The following GGA1 variants were observed in gnomAD, a reference collection of about 807,000 sequenced individuals.
GGA1 encodes ADP-ribosylation factor-binding protein GGA1.
In GGA1, 18 loss-of-function variants were observed where a neutral mutation model predicts 76.9. That is an observed-to-expected ratio of 0.23 (90% CI 0.16 to 0.35). The LOEUF (loss-of-function observed/expected upper bound fraction) is 0.35. Ranked by LOEUF, GGA1 falls within the 10% of genes least tolerant of loss-of-function variation. The pLI is 1.00. For missense variants in GGA1, 755 were observed against 859.0 expected (o/e 0.88, Z 1.51); for synonymous variants, 342 against 354.7 (o/e 0.96, Z 0.40).
In GGA1 at chr22:37,625,955, G is replaced by T; in HGVS notation, c.1093+6G>T. 1.3e-6 allele frequency: 2 copies of T among 1,586,436 alleles called. No individual in the cohort carries two copies. The highest frequency in any genetic ancestry group is 1.7e-6 in the Non-Finnish European group (2 of 1,167,458). ...CGACGAGCTCATGTCTCTGGGTGAG[G>T]AAGGGGCCAGGCCTGGAGGAGGGCG... On this transcript the variant is annotated splice_donor_region_variant and intron_variant, in intron 11 of 16. Transcript: ENST00000343632. The surrounding 1 kb of genome is among the most constrained non-coding windows in gnomAD (Gnocchi z 4.1).
At position 37,632,121 on chromosome 22, in the gene GGA1, C is replaced by T; in HGVS notation, c.1654C>T (p.Pro552Ser). ...VVVVSMLSTA[P>S]QPIRNIVFQS... ...GGTGGTTTCCATGCTGAGCACCGCCCCCCAGCCCATCCGCAACATCGTGTT... is the reference window on the plus strand; with the variant it reads ...GGTGGTTTCCATGCTGAGCACCGCCTCCCAGCCCATCCGCAACATCGTGTT... The change falls in exon 15 of 17, where the codon CCC becomes TCC. Residue 552 changes from proline (P) to serine (S), a missense_variant. Transcript: ENST00000343632. This position sits in a 1 kb window ranked among gnomAD's most constrained non-coding sequence, Gnocchi z 5.1. 1 of 1,613,750 alleles carries T rather than the reference C, an allele frequency of 6.2e-7. No individual in the cohort carries two copies. Among genetic ancestry groups the T allele is most frequent in the Non-Finnish European group, 8.5e-7 (1 of 1,179,896 alleles).
At position 37,632,678 on chromosome 22, in the gene GGA1, G is replaced by C. The variant is rs920248151; in HGVS notation, c.1887G>C (p.Gln629His). Residue 629 changes from glutamine (Q) to histidine (H), a missense_variant, in exon 17 of 17, where the codon CAG (glutamine) becomes CAC (histidine). Physicochemically the swap from Gln to His is conservative, Grantham distance 24. Transcript: ENST00000343632. The surrounding 1 kb of genome is among the most constrained non-coding windows in gnomAD (Gnocchi z 5.1). Reference sequence around the variant, plus strand: ...ACAACGAGATGGGGGATGTGGACCAGTTCCCCCCACCTGAAACCTGGGGTA... The same window carrying C: ...ACAACGAGATGGGGGATGTGGACCACTTCCCCCCACCTGAAACCTGGGGTA... ...QTYNEMGDVD[Q>H]FPPPETWGSL is the part of the protein sequence containing the mutation. The C allele has an allele frequency of 2.4e-5, 39 of 1,610,408 alleles. No homozygotes were observed. Among genetic ancestry groups the C allele is most frequent in the Non-Finnish European group, 2.7e-5 (32 of 1,177,244 alleles).
chr22:37,632,741 G>C lies in GGA1; in HGVS notation c.*30G>C. ...GAGGGGCTGGGGAGAGGAAGGGGCAGAGGGACCGGTCACTGTCCAGCCTGG... is the reference window on the plus strand; with the variant it reads ...GAGGGGCTGGGGAGAGGAAGGGGCACAGGGACCGGTCACTGTCCAGCCTGG... On this transcript the variant is annotated 3_prime_UTR_variant, in exon 17 of 17. Coordinates refer to ENST00000343632, the MANE Select transcript of GGA1 (RefSeq NM_013365.5). The surrounding 1 kb of genome is among the most constrained non-coding windows in gnomAD (Gnocchi z 5.1). The C allele has an allele frequency of 7.6e-7, 1 of 1,311,050 alleles. No individual in the cohort carries two copies. Among genetic ancestry groups the C allele is most frequent in the Non-Finnish European group, 1.1e-6 (1 of 921,644 alleles). The allele number at this position is 1,311,050 out of a possible 1,614,324, so 81.2% of individuals were successfully genotyped here.
chr22:37,619,668 C>G (rs1929517527), intron 4 of GGA1: 2 of 619,538 alleles, frequency 3.2e-6, no homozygotes, highest in East Asian at 5.7e-5. Flanking sequence ...GAGCCATGGC[C>G]TCCGGCCTAC....
intron 3 of GGA1, chr22:37,618,209 A>T (rs1170077741): frequency 8.4e-6 from 4 of 477,534 alleles, no homozygotes; most frequent in Non-Finnish European, 7.6e-6. Flanking sequence ...ATGGGACTAG[A>T]GCATTGCTAC....
chr22:37,616,017 A>G (rs1928725848), intron 2 of GGA1, among the ~76,000 whole-genome samples: 1 of 151,342 alleles, frequency 6.6e-6, no homozygotes. Flanking sequence ...ATTTTTTTGT[A>G]TTTTTTAGTA....
chr22:37,628,144 T>C (rs1241021478), intron 11 of GGA1, among the ~76,000 whole-genome samples: 1 of 152,150 alleles, frequency 6.6e-6, no homozygotes, highest in Non-Finnish European at 1.5e-5. Context: ...GGTTTTGAGA[T>C]GGGGGTCTCA....
intron 4 of GGA1, 162 bp from the exon 5 acceptor site, chr22:37,620,076 G>A (rs1454075447): frequency 3.9e-5 from 28 of 720,252 alleles, no homozygotes; most frequent in Non-Finnish European, 2.9e-5. Flanking sequence ...GGTAGTAGGT[G>A]AACTCAGTCT....
intron 11 of GGA1, among the ~76,000 whole-genome samples, chr22:37,627,317 C>T (rs534530845): frequency 7.2e-5 from 11 of 152,250 alleles, no homozygotes; most frequent in African/African-American, 1.9e-4. Flanking sequence ...AATGAGGACC[C>T]GGAGTGTGGA....
Position 37,614,142 on chromosome 22 carries a change from C to T in GGA1, c.44-48C>T, listed in dbSNP as rs377378528. On this transcript the variant is annotated intron_variant, in intron 1 of 16. Coordinates refer to ENST00000343632, the MANE Select transcript of GGA1 (RefSeq NM_013365.5). ...TTTGCCAGGGTCAGGAGTGGAAGAGCAGGAATCCCACTGCCGGGCCACAAT... is the reference window on the plus strand; with the variant it reads ...TTTGCCAGGGTCAGGAGTGGAAGAGTAGGAATCCCACTGCCGGGCCACAAT... 7.8e-6 allele frequency: 10 copies of T among 1,274,180 alleles called. No homozygotes were observed. The African/African-American group carries it at 1.0e-4, about 13-fold the overall frequency. 78.9% of individuals were successfully genotyped at this position (1,274,180 alleles called of 1,614,324 possible).
In GGA1 at chr22:37,631,926, G is replaced by GTGGGGGC. The variant is rs1335303743; in HGVS notation, c.1529-60_1529-54dup. 6.4e-6 allele frequency: 9 copies of GTGGGGGC among 1,404,700 alleles called. No individual in the cohort carries two copies. In the East Asian group the frequency reaches 7.1e-5, roughly 11 times the overall value. The allele number at this position is 1,404,700 out of a possible 1,614,324, so 87.0% of individuals were successfully genotyped here. A position where few individuals can be genotyped will look rare whatever the true frequency, so the allele number is the denominator to read the frequency against. ...GCAGCCAGCTCCTGAGGCCAGCCGGGTGGGGGCTGGGGGCTGAGCGGATGT... is the reference window on the plus strand; with the variant it reads ...GCAGCCAGCTCCTGAGGCCAGCCGGGTGGGGGCTGGGGGCTGGGGGCTGAGCGGATGT... On this transcript the variant is annotated intron_variant, in intron 14 of 16. Transcript: ENST00000343632.
Position 37,620,224 on chromosome 22 carries a change from C to A in GGA1, c.304-14C>A. 6.2e-7 allele frequency: 1 copy of A among 1,613,928 alleles called. No individual in the cohort carries two copies. Among genetic ancestry groups the A allele is most frequent in the Non-Finnish European group, 8.5e-7 (1 of 1,179,834 alleles). On this transcript the variant is annotated splice_polypyrimidine_tract_variant and intron_variant, in intron 4 of 16. Coordinates refer to ENST00000343632, the MANE Select transcript of GGA1 (RefSeq NM_013365.5). Reference sequence around the variant, plus strand: ...CTGGGCAGTATCAAAGGCCTCCCCACTGTGTCCCTGAAGTATCTGGGCTCT... The same window carrying A: ...CTGGGCAGTATCAAAGGCCTCCCCAATGTGTCCCTGAAGTATCTGGGCTCT...
Position 37,624,844 on chromosome 22 carries a change from C to G in GGA1, c.833-125C>G. ...CCAGAGTCTCAGCAGACGAGATGGGCTGTTTCCCTGCCCCTTTCCCTTCCC... is the reference window on the plus strand; with the variant it reads ...CCAGAGTCTCAGCAGACGAGATGGGGTGTTTCCCTGCCCCTTTCCCTTCCC... On this transcript the variant is annotated intron_variant, in intron 9 of 16. Coordinates refer to ENST00000343632, the MANE Select transcript of GGA1 (RefSeq NM_013365.5). This position sits in a 1 kb window ranked among gnomAD's most constrained non-coding sequence, Gnocchi z 4.3. The G allele has an allele frequency of 7.5e-7, 1 of 1,326,182 alleles. No homozygotes were observed. Among genetic ancestry groups the G allele is most frequent in the South Asian group, 1.4e-5 (1 of 71,038 alleles). 82.2% of individuals were successfully genotyped at this position (1,326,182 alleles called of 1,614,324 possible).
chr22:37,631,456 T>G (rs1021997628), intron 14 of GGA1, among the ~76,000 whole-genome samples: 4 of 151,916 alleles, frequency 2.6e-5, no homozygotes, highest in Non-Finnish European at 5.9e-5. Flanking sequence ...AAGGCTGGGT[T>G]TTTCCAGCCC....
At chr22:37,629,931 G>A in intron 12 of GGA1, 67 bp from the exon 13 acceptor site, 2 of 1,093,706 alleles carry the variant, frequency 1.8e-6, no homozygotes, top group Non-Finnish European at 2.6e-6. Flanking sequence ...TGAGCCTCAG[G>A]GCAGGATCAG....
chr22:37,608,973 G>T, intron 1 of GGA1, 70 bp downstream of exon 1: 1 of 1,334,350 alleles, frequency 7.5e-7, no homozygotes. Flanking sequence ...CCCCTTCCCG[G>T]CGGGGGCGGG....
In GGA1 at chr22:37,630,125, C is replaced by T; in HGVS notation, c.1286C>T (p.Thr429Ile). Reference protein sequence around the residue: ...GLDDLDLLGKTLLQQSLPPES... With the variant: ...GLDDLDLLGKILLQQSLPPES... ...GACGACCTAGACCTCCTGGGGAAGA[C>T]CCTCCTGCAGCAGTCGCTGCCCCCG... Residue 429 changes from threonine (T) to isoleucine (I), a missense_variant, in exon 13 of 17, where the codon ACC becomes ATC. Transcript: ENST00000343632. The T allele has an allele frequency of 6.2e-7, 1 of 1,606,808 alleles. No individual in the cohort carries two copies.
intron 2 of GGA1, among the ~76,000 whole-genome samples, chr22:37,615,009 C>T (rs1330994437): frequency 1.3e-5 from 2 of 152,170 alleles, no homozygotes; most frequent in Non-Finnish European, 2.9e-5. Context: ...ACCTAGAATG[C>T]TTGTCAGAAA....
chr22:37,617,274 C>T, intron 3 of GGA1: 1 of 1,337,592 alleles, frequency 7.5e-7, no homozygotes, highest in Non-Finnish European at 9.5e-7. Flanking sequence ...CATCGGCTGC[C>T]TCTCCAGGAA....
Sources: gnomAD v4.1 joint callset for allele counts (sites outside exome capture counted in the v4.1 genomes callset) on GRCh38, gnomAD v4.1.1 for gene constraint, Gnocchi (gnomAD v3.1) non-coding constraint, MANE v1.5 for transcripts, NCBI Gene and HGNC (gene_info 2026-07-23, HGNC 2026-07-21) for gene names.